The following VWA3B variants were observed in gnomAD, a reference collection of about 807,000 sequenced individuals.
VWA3B encodes von Willebrand factor A domain containing 3B, also known as von Willebrand factor A domain-containing protein 3B.
VWA3B carries 138 observed loss-of-function variants against 158.3 expected under a neutral mutation model. The ratio of observed to expected loss-of-function variants is 0.87; its 90% CI spans 0.76 to 1.00. The LOEUF is 1.00. VWA3B is among the 50% of genes least tolerant of loss of function. VWA3B has a pLI of 0.00. For missense variants in VWA3B, 1,555 were observed against 1,565.1 expected (o/e 0.99, Z 0.11); for synonymous variants, 596 against 587.3 (o/e 1.01, Z -0.21).
At chr2:98,217,745 A>G in intron 13 of VWA3B, 101 bp from the exon 14 acceptor site, 1 of 1,102,730 alleles carries the variant, frequency 9.1e-7, no homozygotes, top group Non-Finnish European at 1.2e-6. Context: ...ATACAGAATT[A>G]CTATTTGAGT....
At chr2:98,299,115 T>A (rs1451920574) in intron 24 of VWA3B, among the ~76,000 whole-genome samples, 1 of 152,206 alleles carries the variant, frequency 6.6e-6, no homozygotes, top group Non-Finnish European at 1.5e-5. Flanking sequence ...GTTCCCTGCC[T>A]CAGACCCAGA....
At chr2:98,318,863 C>T in the VWA3B span, among the ~76,000 whole-genome samples, 1 of 152,186 alleles carries the variant, frequency 6.6e-6, no homozygotes, top group South Asian at 2.1e-4. Context: ...AATTGTCCCT[C>T]AGTACTTAAG....
At position 98,115,431 on chromosome 2, in the gene VWA3B, C is replaced by CA. The variant is rs1356416868; in HGVS notation, c.197-221_197-220insA. ...CACATTGTGCACATGTACCTGAGAA[C>CA]TTAAAGTATAATAAAGAAAAATATT... On this transcript the variant is annotated intron_variant, in intron 2 of 27. Transcript: ENST00000477737. Among the ~76,000 whole-genome samples the CA allele has an allele frequency of 6.6e-5, 10 of 152,250 alleles. No individual in the cohort carries two copies. The East Asian group carries it at 1.9e-3, about 29-fold the overall frequency.
intron 5 of VWA3B, among the ~76,000 whole-genome samples, chr2:98,123,532 T>TAAG (rs1675130497): frequency 6.6e-6 from 1 of 152,188 alleles, no homozygotes; most frequent in South Asian, 2.1e-4. Context: ...CCTTGAGGTC[T>TAAG]AAGAAGAGCA....
intron 6 of VWA3B, 67 bp downstream of exon 6, chr2:98,128,475 G>T (rs773174321): frequency 1.7e-5 from 27 of 1,549,604 alleles, no homozygotes; most frequent in Non-Finnish European, 2.4e-5. Flanking sequence ...TCAACAGTGG[G>T]TCTTGCATTC....
chr2:98,107,158 C>G (rs1673731172), intron 2 of VWA3B, among the ~76,000 whole-genome samples: 1 of 151,872 alleles, frequency 6.6e-6, no homozygotes, highest in African/African-American at 2.4e-5. Flanking sequence ...TTTTTTTAAT[C>G]CAGCCTTGCA....
chr2:98,234,545 A>G, intron 16 of VWA3B, 103 bp from the exon 17 acceptor site: 1 of 1,519,470 alleles, frequency 6.6e-7, no homozygotes, highest in Non-Finnish European at 8.9e-7. Flanking sequence ...TGGGAAACAA[A>G]GGTTGCATTC....
chr2:98,270,246 C>T (rs1426716722), intron 21 of VWA3B, among the ~76,000 whole-genome samples: 1 of 152,184 alleles, frequency 6.6e-6, no homozygotes, highest in African/African-American at 2.4e-5. Context: ...AATTACTGCA[C>T]TGAGGCAAAT....
At chr2:98,309,857 C>T (rs1040498487) in intron 26 of VWA3B, among the ~76,000 whole-genome samples, 2 of 152,178 alleles carry the variant, frequency 1.3e-5, no homozygotes, top group African/African-American at 4.8e-5. Context: ...GGATTAGGAG[C>T]CCCATTTCTT....
intron 24 of VWA3B, among the ~76,000 whole-genome samples, chr2:98,298,989 G>A (rs537241623): frequency 1.3e-5 from 2 of 152,330 alleles, no homozygotes; most frequent in African/African-American, 4.8e-5. Flanking sequence ...CTCTGAGCCG[G>A]GGTGGAAAGG....
intron 7 of VWA3B, among the ~76,000 whole-genome samples, chr2:98,141,563 C>T (rs1676782873): frequency 6.6e-6 from 1 of 152,078 alleles, no homozygotes; most frequent in Non-Finnish European, 1.5e-5. Flanking sequence ...CACCCACACA[C>T]CTTCCACCAG....
At chr2:98,142,174 AC>A (rs531730051) in intron 7 of VWA3B, among the ~76,000 whole-genome samples, 229 of 151,378 alleles carry the variant, frequency 1.5e-3, no homozygotes, top group African/African-American at 5.3e-3. Flanking sequence ...CACCATAAAT[AC>A]CCCTTGTCCC....
At chr2:98,115,963 T>TG (rs368750311) in intron 3 of VWA3B, among the ~76,000 whole-genome samples, 5 of 152,172 alleles carry the variant, frequency 3.3e-5, no homozygotes, top group African/African-American at 1.2e-4. Context: ...AGAAAACTCT[T>TG]GATGAGAGAT....
chr2:98,249,382 C>G (rs759242403), intron 19 of VWA3B, among the ~76,000 whole-genome samples: 1 of 152,022 alleles, frequency 6.6e-6, no homozygotes, highest in Non-Finnish European at 1.5e-5. Flanking sequence ...GTTACAGTTA[C>G]TATCAAGATT....
At chr2:98,215,440 A>G (rs1431938664) in intron 13 of VWA3B, among the ~76,000 whole-genome samples, 1 of 141,910 alleles carries the variant, frequency 7.0e-6, no homozygotes, top group African/African-American at 2.6e-5. Flanking sequence ...GACTCCATCT[A>G]AAAAAAAAAA....
At chr2:98,135,333 T>C (rs556220623) in intron 7 of VWA3B, among the ~76,000 whole-genome samples, 2,444 of 119,212 alleles carry the variant, frequency 0.021, 105 homozygotes, top group African/African-American at 0.068. Context: ...TTCTTTTTTT[T>C]TTTTTTTTTT....
chr2:98,146,510 A>AGTAGGG (rs1356278057), intron 7 of VWA3B, among the ~76,000 whole-genome samples: 1 of 152,158 alleles, frequency 6.6e-6, no homozygotes, highest in Non-Finnish European at 1.5e-5. Flanking sequence ...CTCTTAACCA[A>AGTAGGG]GTAGGCAGAT....
intron 22 of VWA3B, among the ~76,000 whole-genome samples, chr2:98,278,287 G>A (rs753325889): frequency 5.3e-5 from 8 of 152,308 alleles, no homozygotes; most frequent in South Asian, 2.1e-4. Flanking sequence ...TCTGGGTGCC[G>A]GCAGGAGCAG....
chr2:98,166,077 C>T (rs1679046404), intron 8 of VWA3B, among the ~76,000 whole-genome samples: 1 of 152,174 alleles, frequency 6.6e-6, no homozygotes, highest in African/African-American at 2.4e-5. Flanking sequence ...TGGCTCACGC[C>T]TGTAATCCCA....
Sources: gnomAD v4.1 joint callset for allele counts (sites outside exome capture counted in the v4.1 genomes callset) on GRCh38, gnomAD v4.1.1 for gene constraint, MANE v1.5 for transcripts, NCBI Gene and HGNC (gene_info 2026-07-23, HGNC 2026-07-21) for gene names.